Variants in EXOSC7 observed in about 807,000 individuals in gnomAD.
EXOSC7 encodes the protein exosome complex component RRP42.
In EXOSC7, 25 loss-of-function variants were observed where a neutral mutation model predicts 34.3. The ratio of observed to expected loss-of-function variants is 0.73; its 90% confidence interval spans 0.53 to 1.02. The LOEUF (loss-of-function observed/expected upper bound fraction) is 1.02. Among genes scored for constraint, EXOSC7 ranks in the 50% least tolerant of loss-of-function variants. The pLI is 0.00. For missense variants in EXOSC7, 370 were observed against 368.5 expected, an observed-to-expected ratio of 1.00 and a Z score of -0.03; for synonymous variants, 130 against 143.0, an observed-to-expected ratio of 0.91 and a Z score of 0.65.
chr3:44,994,891 G>GTGTGTGTGTGTT (rs1706678003), intron 3 of EXOSC7, among the ~76,000 whole-genome samples: 1 of 150,746 alleles, frequency 6.6e-6, no homozygotes, highest in Non-Finnish European at 1.5e-5. Context: ...GTGTGTGTGT[G>GTGTGTGTGTGTT]TGTGTGTGTG....
Position 45,007,434 on chromosome 3 carries a change from T to C in EXOSC7, c.630T>C (p.His210=). 6.2e-7 allele frequency: 1 copy of C among 1,613,858 alleles called. No homozygotes were observed. Among genetic ancestry groups the C allele is most frequent in the Non-Finnish European group, 8.5e-7 (1 of 1,179,848 alleles). Residue 210 remains histidine, a synonymous_variant, in exon 7 of 8, where the codon CAT becomes CAC. Transcript: ENST00000265564. ...TGCCTTTGCAGATTGGCTATCGGCA[T>C]GTGGTGGATGCTACTCTTCAGGAGG... ...IVTLCKIGYR[H]VVDATLQEEA...
intron 1 of EXOSC7, among the ~76,000 whole-genome samples, chr3:44,986,698 G>A (rs1706427569): frequency 6.6e-6 from 1 of 152,208 alleles, no homozygotes; most frequent in South Asian, 2.1e-4. Context: ...GGGGAAGGAT[G>A]GGCTGCACAG....
chr3:44,983,455 T>C lies in EXOSC7; in HGVS notation c.58-5685T>C, dbSNP rs948783892. 2.3e-4 allele frequency among the ~76,000 whole-genome samples: 35 copies of C among 152,338 alleles called. 1 individual carries two copies. The highest frequency in any genetic ancestry group is 1.2e-3 in the Admixed American group (18 of 15,298). ...AGATGAAGAAACAGGCTTAGAGCTA[T>C]TTAGGTCAAGGTCACAAAACTGGCA... On this transcript the variant is annotated intron_variant, in intron 1 of 7. Transcript: ENST00000265564.
In EXOSC7 at chr3:44,998,093, T is replaced by C. The variant is rs183873569; in HGVS notation, c.420+841T>C. ...CTCTGTCACCCAGGCTGGAGTGCAA[T>C]GGCGTGATCTTGGCTCACTGCAACC... On this transcript the variant is annotated intron_variant, in intron 4 of 7. Coordinates refer to ENST00000265564, the MANE Select transcript of EXOSC7 (RefSeq NM_015004.4). 3.1e-3 allele frequency among the ~76,000 whole-genome samples: 453 copies of C among 148,112 alleles called. 3 individuals are homozygous for C. Among genetic ancestry groups the C allele is most frequent in the African/African-American group, 0.011 (433 of 39,978 alleles).
At chr3:44,998,031 G>GT (rs200353427) in intron 4 of EXOSC7, among the ~76,000 whole-genome samples, 9,794 of 141,416 alleles carry the variant, frequency 0.069, 449 homozygotes, top group Middle Eastern at 0.094. Context: ...ATTTTTTTTT[G>GT]TTTTTTTGTT....
intron 7 of EXOSC7, among the ~76,000 whole-genome samples, chr3:45,010,468 A>G (rs1321057628): frequency 1.3e-5 from 2 of 152,042 alleles, no homozygotes; most frequent in East Asian, 1.9e-4. Flanking sequence ...TCTGGTCTTG[A>G]TCTCCTGGCC....
chr3:45,006,463 G>A (rs1335779470), intron 6 of EXOSC7, among the ~76,000 whole-genome samples: 1 of 128,696 alleles, frequency 7.8e-6, no homozygotes, highest in Non-Finnish European at 1.6e-5. Context: ...AGGCCGGACT[G>A]CGGACTGCAG....
chr3:44,994,865 G>A (rs1425010735), intron 3 of EXOSC7, among the ~76,000 whole-genome samples: 1 of 46,996 alleles, frequency 2.1e-5, no homozygotes, highest in Non-Finnish European at 4.0e-5. Flanking sequence ...GGGTGTGTGT[G>A]TGTGTGTGTG....
chr3:44,989,228 C>T lies in EXOSC7; in HGVS notation c.146C>T (p.Ala49Val), dbSNP rs779386805. 1.4e-5 allele frequency: 22 copies of T among 1,613,536 alleles called. No individual in the cohort carries two copies. The Admixed American group carries it at 1.5e-4, about 11-fold the overall frequency. Residue 49 changes from alanine to valine, a missense_variant, in exon 2 of 8, where the codon GCC becomes GTC. Coordinates refer to ENST00000265564, the MANE Select transcript of EXOSC7 (RefSeq NM_015004.4). Reference sequence around the variant, plus strand: ...GTGGTGTCCAACACTAGTGGGTCCGCCAGGGTCAAGCTGGTGAGTACTGTG... The same window carrying T: ...GTGGTGTCCAACACTAGTGGGTCCGTCAGGGTCAAGCTGGTGAGTACTGTG... ...TDVVSNTSGS[A>V]RVKLGHTDIL...
chr3:44,982,824 A>G (rs1054879675), intron 1 of EXOSC7, among the ~76,000 whole-genome samples: 8 of 152,242 alleles, frequency 5.3e-5, no homozygotes, highest in Non-Finnish European at 1.2e-4. Flanking sequence ...TTATGGAGCC[A>G]TATCCTTTCA....
At chr3:44,990,966 C>T (rs965224177) in intron 3 of EXOSC7, among the ~76,000 whole-genome samples, 3 of 152,192 alleles carry the variant, frequency 2.0e-5, no homozygotes, top group African/African-American at 4.8e-5. Context: ...GGGTGAGTTA[C>T]AGTCTTCCAG....
At chr3:44,983,150 G>A (rs977718657) in intron 1 of EXOSC7, among the ~76,000 whole-genome samples, 2 of 152,178 alleles carry the variant, frequency 1.3e-5, no homozygotes, top group African/African-American at 4.8e-5. Context: ...GAAGTAATAG[G>A]ACTGGGCTTC....
At chr3:45,008,963 A>G (rs554907726) in intron 7 of EXOSC7, among the ~76,000 whole-genome samples, 1 of 152,326 alleles carries the variant, frequency 6.6e-6, no homozygotes, top group South Asian at 2.1e-4. Context: ...CCTGTGAGGT[A>G]ACTATTATTA....
At chr3:44,993,745 G>A (rs1706634216) in intron 3 of EXOSC7, among the ~76,000 whole-genome samples, 1 of 152,182 alleles carries the variant, frequency 6.6e-6, no homozygotes, top group Non-Finnish European at 1.5e-5. Flanking sequence ...AAAAGACCAA[G>A]TGTGTACACC....
chr3:44,988,537 G>A (rs1706482191), intron 1 of EXOSC7, among the ~76,000 whole-genome samples: 1 of 152,174 alleles, frequency 6.6e-6, no homozygotes, highest in East Asian at 1.9e-4. Flanking sequence ...CTTTTGTAGT[G>A]CAGAAACAAT....
downstream of EXOSC7, chr3:45,012,050 A>G (rs1034303049): frequency 7.2e-5 from 11 of 152,260 alleles, no homozygotes; most frequent in African/African-American, 2.7e-4. Flanking sequence ...AGCTGCCTTC[A>G]TGCTCTCAGC....
Position 44,993,314 on chromosome 3 carries a change from C to T in EXOSC7, c.254+3670C>T, listed in dbSNP as rs2125966763. Among the ~76,000 whole-genome samples the T allele has an allele frequency of 2.6e-5, 4 of 152,154 alleles. No individual in the cohort carries two copies. In the East Asian group the frequency reaches 7.8e-4, roughly 30 times the overall value. ...ACACTCAGAGGAATCAGCCTTAGGG[C>T]CTGTGTTGGGGCTAGATGACTACTG... On this transcript the variant is annotated intron_variant, in intron 3 of 7. Coordinates refer to ENST00000265564, the MANE Select transcript of EXOSC7 (RefSeq NM_015004.4).
rs575133978 is a variant in EXOSC7 at position 44,999,927 on chromosome 3, T to C, written c.421-1611T>C. ...AACCTCCTAATTTCTTTTTACCAAC[T>C]GGTCTGGTTAGTCCTCAGACAGAGC... On this transcript the variant is annotated intron_variant, in intron 4 of 7. Coordinates refer to ENST00000265564, the MANE Select transcript of EXOSC7 (RefSeq NM_015004.4). 2.0e-5 allele frequency among the ~76,000 whole-genome samples: 3 copies of C among 152,350 alleles called. No individual in the cohort carries two copies. The East Asian group carries it at 5.8e-4, about 29-fold the overall frequency.
At chr3:45,008,895 G>A (rs1324777714) in intron 7 of EXOSC7, among the ~76,000 whole-genome samples, 4 of 152,206 alleles carry the variant, frequency 2.6e-5, no homozygotes, top group South Asian at 2.1e-4. Context: ...TATTGTGTGC[G>A]TACTATGTGC....
Sources: allele counts gnomAD v4.1 joint callset (sites outside exome capture counted in the v4.1 genomes callset), GRCh38; gene constraint gnomAD v4.1.1; transcripts MANE v1.5; gene names NCBI Gene and HGNC (gene_info 2026-07-23, HGNC 2026-07-21).